DNAJC1: variants seen among roughly 807,000 people sequenced by gnomAD.
DNAJC1 encodes dnaJ homolog subfamily C member 1.
In DNAJC1, 58 loss-of-function variants were observed where a neutral mutation model predicts 76.6. The observed-to-expected ratio is 0.76, with a 90% CI of 0.61 to 0.94. DNAJC1 has a LOEUF of 0.94. Ranked by LOEUF, DNAJC1 falls within the 40% of genes least tolerant of loss-of-function variation. DNAJC1 has a pLI of 0.00. For missense variants in DNAJC1, 689 were observed against 677.3 expected, an observed-to-expected ratio of 1.02 and a Z score of -0.19; for synonymous variants, 258 against 267.9, an observed-to-expected ratio of 0.96 and a Z score of 0.36.
intron 1 of DNAJC1, among the ~76,000 whole-genome samples, chr10:21,988,638 T>C (rs905762094): frequency 2.0e-5 from 3 of 152,206 alleles, no homozygotes; most frequent in Admixed American, 2.0e-4. Context: ...TTAAGTTGAT[T>C]ATTAAAACAG....
At chr10:21,977,862 C>A (rs529782863) in intron 1 of DNAJC1, among the ~76,000 whole-genome samples, 8 of 151,968 alleles carry the variant, frequency 5.3e-5, no homozygotes, top group African/African-American at 1.9e-4. Context: ...TATAAAAATT[C>A]TTTGAAAAAC....
chr10:21,990,812 G>A (rs943206056), intron 1 of DNAJC1, among the ~76,000 whole-genome samples: 1 of 152,176 alleles, frequency 6.6e-6, no homozygotes, highest in Non-Finnish European at 1.5e-5. Context: ...GATGTACCAA[G>A]TCCATTTGAA....
chr10:21,813,330 C>A (rs1413057467), intron 8 of DNAJC1, among the ~76,000 whole-genome samples: 1 of 150,028 alleles, frequency 6.7e-6, no homozygotes, highest in Non-Finnish European at 1.5e-5. Flanking sequence ...CTCAAGCGGC[C>A]CAATGGATAG....
chr10:21,905,868 T>C lies in DNAJC1; in HGVS notation c.730-1256A>G, dbSNP rs138668563. Among the ~76,000 whole-genome samples, 39 of 152,216 alleles carry C rather than the reference T, an allele frequency of 2.6e-4. No homozygotes were observed. The East Asian group carries it at 2.9e-3, about 11-fold the overall frequency. On this transcript the variant is annotated intron_variant, in intron 6 of 11. Coordinates refer to ENST00000376980, the MANE Select transcript of DNAJC1 (RefSeq NM_022365.4). ...ACTCTAGGGTAACATTCTCAGACCA[T>C]AAGATTCCTAGAGCAGATAAATCAT...
intron 9 of DNAJC1, among the ~76,000 whole-genome samples, chr10:21,805,115 A>C (rs1411174473): frequency 6.6e-6 from 1 of 152,112 alleles, no homozygotes; most frequent in Non-Finnish European, 1.5e-5. Flanking sequence ...AAAAGGCCTA[A>C]AGGTATACTA....
chr10:21,828,290 T>G (rs562278348), intron 8 of DNAJC1, among the ~76,000 whole-genome samples: 67 of 152,216 alleles, frequency 4.4e-4, no homozygotes, highest in Non-Finnish European at 8.5e-4. Context: ...TGATACTCAT[T>G]TAACAGATCA....
At chr10:21,778,776 G>T (rs369768698) in intron 9 of DNAJC1, among the ~76,000 whole-genome samples, 1 of 152,192 alleles carries the variant, frequency 6.6e-6, no homozygotes, top group African/African-American at 2.4e-5. Context: ...CCCACCAAGC[G>T]TGAGCCGAAG....
intron 9 of DNAJC1, among the ~76,000 whole-genome samples, chr10:21,783,436 T>C (rs576793139): frequency 6.6e-6 from 1 of 152,348 alleles, no homozygotes; most frequent in South Asian, 2.1e-4. Context: ...TCCATGCTCA[T>C]GGATAGGAAG....
intron 9 of DNAJC1, among the ~76,000 whole-genome samples, chr10:21,770,334 TC>T (rs1212342665): frequency 6.6e-6 from 1 of 152,128 alleles, no homozygotes; most frequent in African/African-American, 2.4e-5. Flanking sequence ...ATATCCTGTA[TC>T]CATTGCTTAT....
intron 8 of DNAJC1, among the ~76,000 whole-genome samples, chr10:21,859,029 A>G (rs1407823958): frequency 6.6e-6 from 1 of 152,204 alleles, no homozygotes; most frequent in Non-Finnish European, 1.5e-5. Context: ...GCAGTTAAAA[A>G]TCATCAGTTA....
intron 9 of DNAJC1, among the ~76,000 whole-genome samples, chr10:21,778,096 T>C (rs891676672): frequency 2.6e-5 from 4 of 151,964 alleles, no homozygotes; most frequent in Non-Finnish European, 5.9e-5. Flanking sequence ...GGCTGAAGCA[T>C]GAGAATCGCT....
chr10:21,957,203 A>C (rs895408560), intron 1 of DNAJC1, among the ~76,000 whole-genome samples: 5 of 152,008 alleles, frequency 3.3e-5, no homozygotes, highest in Non-Finnish European at 4.4e-5. Flanking sequence ...ATTCTTTGTA[A>C]TAACTTTAAC....
chr10:21,830,135 A>G (rs1264116314), intron 8 of DNAJC1, among the ~76,000 whole-genome samples: 3 of 152,196 alleles, frequency 2.0e-5, no homozygotes, highest in Non-Finnish European at 4.4e-5. Flanking sequence ...CACCATTATT[A>G]CAATACTTGC....
chr10:21,921,503 T>C (rs1418697532), intron 3 of DNAJC1, among the ~76,000 whole-genome samples: 5 of 152,060 alleles, frequency 3.3e-5, no homozygotes, highest in Non-Finnish European at 7.4e-5. Context: ...GGTAAAAGCC[T>C]ATAAAATTGA....
At chr10:21,941,295 G>C (rs1377950877) in intron 1 of DNAJC1, among the ~76,000 whole-genome samples, 2 of 110,838 alleles carry the variant, frequency 1.8e-5, no homozygotes, top group Non-Finnish European at 3.8e-5. Flanking sequence ...AAAAAAAACA[G>C]ATAGAACAAC....
At chr10:21,817,159 CAAAAA>C (rs1194285168) in intron 8 of DNAJC1, among the ~76,000 whole-genome samples, 3 of 59,906 alleles carry the variant, frequency 5.0e-5, no homozygotes, top group African/African-American at 2.1e-4. Flanking sequence ...GATTCCGTCT[CAAAAA>C]AAAAAAAAAA....
intron 1 of DNAJC1, among the ~76,000 whole-genome samples, chr10:21,937,301 TAA>T (rs1837324797): frequency 1.3e-5 from 2 of 152,028 alleles, no homozygotes; most frequent in Non-Finnish European, 2.9e-5. Flanking sequence ...AAACAGTAAT[TAA>T]AAGAGAGCTG....
chr10:21,788,184 T>C (rs1260354112), intron 9 of DNAJC1, among the ~76,000 whole-genome samples: 1 of 152,254 alleles, frequency 6.6e-6, no homozygotes, highest in East Asian at 1.9e-4. Context: ...CAGCTCCATT[T>C]ACCTCTGTCA....
chr10:21,808,088 T>G (rs1008108731), intron 8 of DNAJC1, among the ~76,000 whole-genome samples: 1 of 152,166 alleles, frequency 6.6e-6, no homozygotes, highest in Non-Finnish European at 1.5e-5. Flanking sequence ...CATGAAGAGC[T>G]TGAAGTTGAT....
Sources: gnomAD v4.1 joint callset for allele counts (sites outside exome capture counted in the v4.1 genomes callset) on GRCh38, gnomAD v4.1.1 for gene constraint, MANE v1.5 for transcripts, NCBI Gene and HGNC (gene_info 2026-07-23, HGNC 2026-07-21) for gene names.